ENO3: variants seen among roughly 807,000 people sequenced by gnomAD.
ENO3 encodes the protein enolase 3.
A neutral mutation model predicts 47.7 loss-of-function variants in ENO3; 46 were observed. That is an observed-to-expected ratio of 0.96 (90% confidence interval 0.76 to 1.23). ENO3 has a LOEUF of 1.23. Ranked by LOEUF, ENO3 falls within the 50% of genes most tolerant of loss-of-function variation. The probability of loss-of-function intolerance (pLI) is 0.00; values close to 1 mark genes in which losing one functional copy is unlikely to be tolerated. For missense variants in ENO3, 575 were observed against 566.2 expected, an observed-to-expected ratio of 1.02 and a Z score of -0.16; for synonymous variants, 223 against 225.9, an observed-to-expected ratio of 0.99 and a Z score of 0.11.
intron 2 of ENO3, among the ~76,000 whole-genome samples, chr17:4,952,559 G>A (rs984047261): frequency 2.6e-5 from 4 of 152,178 alleles, no homozygotes; most frequent in South Asian, 2.1e-4. Context: ...TCCTGATCTC[G>A]TGATCCGCCC....
chr17:4,949,898 C>T (rs2151137476), upstream of ENO3, among the ~76,000 whole-genome samples: 1 of 152,034 alleles, frequency 6.6e-6, no homozygotes, highest in South Asian at 2.1e-4. Context: ...GGGCACGTGG[C>T]GGCGCTCCCC....
In ENO3 at chr17:4,955,777, C is replaced by T. The variant is rs1195166212; in HGVS notation, c.866-165C>T. 3.9e-6 allele frequency: 5 copies of T among 1,297,896 alleles called. No homozygotes were observed. The East Asian group carries it at 7.1e-5, about 18-fold the overall frequency. The allele number at this position is 1,297,896 out of a possible 1,614,324, so 80.4% of individuals were successfully genotyped here. A position where few individuals can be genotyped will look rare whatever the true frequency, so the allele number is the denominator to read the frequency against. ...ACCCCTCCATGAGGCTCCTTCTGAC[C>T]TCTAGCCGTGTCTCTGCCCTGTCTC... On this transcript the variant is annotated intron_variant, in intron 8 of 11. Coordinates refer to ENST00000519602, the MANE Select transcript of ENO3 (RefSeq NM_053013.4).
upstream of ENO3, chr17:4,948,967 G>A (rs1036837468): frequency 3.3e-5 from 5 of 151,960 alleles, no homozygotes; most frequent in African/African-American, 1.2e-4. Flanking sequence ...AAGGACCGGC[G>A]GGCGGCGGCG....
In ENO3 at chr17:4,956,867, G is replaced by T. The variant is rs1473944251; in HGVS notation, c.1213G>T (p.Ala405Ser). ...TGAPCRSERL[A>S]KYNQLMRIEE... The stretch of plus-strand genomic sequence containing the variant: ...CGCCCCCTGCCGCTCGGAGCGTCTG[G>T]CCAAATACAACCAACTCATGAGGTA... Residue 405 changes from alanine (A) to serine (S), a missense_variant, in exon 11 of 12, where the codon GCC becomes TCC. Transcript: ENST00000519602. 1 of 1,614,204 alleles carries T rather than the reference G, an allele frequency of 6.2e-7. No individual in the cohort carries two copies.
At chr17:4,953,943 G>C (rs918484773) in intron 6 of ENO3, 98 bp downstream of exon 6, 1 of 1,575,538 alleles carries the variant, frequency 6.3e-7, no homozygotes, top group African/African-American at 1.4e-5. Flanking sequence ...TTTCAGACCA[G>C]CTCCTAAGAA....
In ENO3 at chr17:4,955,185, C is replaced by G. The variant is rs757606682; in HGVS notation, c.555C>G (p.Gly185=). ...ASSFKEAMRI[G]AEVYHHLKGV... is the part of the protein sequence containing the mutation. Reference sequence around the variant, plus strand: ...CCTTCAAGGAAGCCATGCGCATTGGCGCCGAGGTCTACCACCACCTCAAGG... The same window carrying G: ...CCTTCAAGGAAGCCATGCGCATTGGGGCCGAGGTCTACCACCACCTCAAGG... The change falls in exon 7 of 12, where the codon GGC becomes GGG. Residue 185 remains glycine, a synonymous_variant. Coordinates refer to ENST00000519602, the MANE Select transcript of ENO3 (RefSeq NM_053013.4). 1 of 1,614,276 alleles carries G rather than the reference C, an allele frequency of 6.2e-7. No homozygotes were observed.
intron 1 of ENO3, 193 bp from the exon 2 acceptor site, chr17:4,951,635 G>A (rs1971541784): frequency 8.0e-6 from 5 of 626,098 alleles, no homozygotes; most frequent in South Asian, 5.0e-5. Flanking sequence ...TCTTAGGATG[G>A]GAGGGTGGAA....
intron 6 of ENO3, chr17:4,954,051 T>A (rs1463542730): frequency 1.3e-6 from 1 of 766,150 alleles, no homozygotes; most frequent in Non-Finnish European, 2.1e-6. Context: ...CTTCCTTCCC[T>A]GCCATATAAC....
chr17:4,952,855 T>G lies in ENO3; in HGVS notation c.146T>G (p.Leu49Arg). 6.2e-7 allele frequency: 1 copy of G among 1,612,720 alleles called. No homozygotes were observed. Among genetic ancestry groups the G allele is most frequent in the Non-Finnish European group, 8.5e-7 (1 of 1,179,304 alleles). ...ACGGGTATCTATGAGGCTCTGGAAC[T>G]AAGAGACGGAGACAAAGGCCGCTAC... ...ASTGIYEALE[L>R]RDGDKGRYLG... is the part of the protein sequence containing the mutation. Residue 49 changes from leucine (L) to arginine (R), a missense_variant, in exon 3 of 12, where the codon CTA becomes CGA. Leu to Arg is a moderately radical substitution (Grantham distance 102). Transcript: ENST00000519602.
intron 2 of ENO3, 145 bp from the exon 3 acceptor site, chr17:4,952,650 G>A (rs1212367702): frequency 4.8e-6 from 4 of 839,976 alleles, no homozygotes; most frequent in Non-Finnish European, 7.7e-6. Flanking sequence ...TTTTAGCAGA[G>A]ACGGTTTCGC....
rs368947998 is a variant in ENO3, at chr17:4,951,814, C to T, written c.-2-14C>T. On this transcript the variant is annotated splice_polypyrimidine_tract_variant and intron_variant, in intron 1 of 11. Transcript: ENST00000519602. Reference sequence around the variant, plus strand: ...ATCAACTGTCTACACTCACTCACACCTCCTGTCCTGCAGCCATGGCCATGC... The same window carrying T: ...ATCAACTGTCTACACTCACTCACACTTCCTGTCCTGCAGCCATGGCCATGC... The T allele has an allele frequency of 6.2e-7, 1 of 1,613,814 alleles. No individual in the cohort carries two copies. Among genetic ancestry groups the T allele is most frequent in the Admixed American group, 1.7e-5 (1 of 60,032 alleles).
intron 8 of ENO3, 85 bp downstream of exon 8, chr17:4,955,689 C>A (rs1162020076): frequency 6.4e-7 from 1 of 1,570,028 alleles, no homozygotes; most frequent in East Asian, 2.2e-5. Flanking sequence ...GCTTTGCCAT[C>A]GACTTGGATC....
Position 4,954,996 on chromosome 17 carries a change from AC to A in ENO3, c.445-75del, listed in dbSNP as rs1971671792. On this transcript the variant is annotated intron_variant, in intron 6 of 11. Transcript: ENST00000519602. ...TAGTAAGTAGGGAAGCCAGGTTTCCACCCCAACACCCCCCGCCCCTGTCCCT... is the reference window on the plus strand; with the variant it reads ...TAGTAAGTAGGGAAGCCAGGTTTCCACCCAACACCCCCCGCCCCTGTCCCT... 1.1e-5 allele frequency: 15 copies of A among 1,359,760 alleles called. No individual in the cohort carries two copies. The Admixed American group carries it at 3.0e-4, about 27-fold the overall frequency. 84.2% of individuals were successfully genotyped at this position (1,359,760 alleles called of 1,614,324 possible).
chr17:4,952,714 G>T, intron 2 of ENO3, 81 bp from the exon 3 acceptor site: 3 of 1,362,290 alleles, frequency 2.2e-6, no homozygotes, highest in Non-Finnish European at 3.1e-6. Context: ...CACCTGCCTA[G>T]GCCTCTCAAA....
chr17:4,955,602 C>T lies in ENO3; in HGVS notation c.863C>T (p.Pro288Leu), dbSNP rs1597703811. 1.9e-6 allele frequency: 3 copies of T among 1,614,240 alleles called. No homozygotes were observed. ...ELYKSFIKNY[P>L]VVSIEDPFDQ... is the part of the protein sequence containing the mutation. The stretch of plus-strand genomic sequence containing the variant: ...TATAAGAGCTTTATCAAGAACTATC[C>T]TGGTGAGGCGTTCGGGTGTCCCAGT... The change falls in exon 8 of 12, where the codon CCT (proline) becomes CTT (leucine). Residue 288 changes from proline to leucine, a missense_variant and splice_region_variant. Coordinates refer to ENST00000519602, the MANE Select transcript of ENO3 (RefSeq NM_053013.4).
In ENO3 at chr17:4,952,906, C is replaced by A. The variant is rs375137643; in HGVS notation, c.181+16C>A. The A allele has an allele frequency of 6.2e-7, 1 of 1,611,268 alleles. No individual in the cohort carries two copies. Among genetic ancestry groups the A allele is most frequent in the Non-Finnish European group, 8.5e-7 (1 of 1,178,500 alleles). ...CTGGGGAAAGGTGAGGAGACACCAG[C>A]GCAGAAGGAGCCTGTGTGGGCGGCT... is the stretch of plus-strand genomic sequence containing the variant. On this transcript the variant is annotated intron_variant, in intron 3 of 11. Transcript: ENST00000519602.
chr17:4,952,733 A>G (rs1971579861), intron 2 of ENO3, 62 bp from the exon 3 acceptor site: 1 of 1,523,144 alleles, frequency 6.6e-7, no homozygotes. Context: ...AAGTGCTGGG[A>G]TTACAGGCAT....
At chr17:4,956,926 T>A in intron 11 of ENO3, 37 bp downstream of exon 11, 1 of 1,614,238 alleles carries the variant, frequency 6.2e-7, no homozygotes, top group Non-Finnish European at 8.5e-7. Flanking sequence ...ATTGGGGTGC[T>A]GGAGGCTGTT....
chr17:4,949,614 G>C (rs967004536), upstream of ENO3, among the ~76,000 whole-genome samples: 2 of 152,014 alleles, frequency 1.3e-5, no homozygotes, highest in Admixed American at 6.6e-5. Context: ...CCTGGGGAGG[G>C]CGGGACGGGC....
Sources: gnomAD v4.1 joint callset for allele counts (sites outside exome capture counted in the v4.1 genomes callset) on GRCh38, gnomAD v4.1.1 for gene constraint, MANE v1.5 for transcripts, NCBI Gene and HGNC (gene_info 2026-07-23, HGNC 2026-07-21) for gene names.